The following LAMA1 variants were observed in gnomAD, a reference collection of about 807,000 sequenced individuals.
LAMA1 encodes the protein laminin subunit alpha 1, also known as laminin subunit alpha-1.
Under a neutral mutation model 348.7 loss-of-function variants are expected in LAMA1, and 219 were observed. The observed-to-expected ratio is 0.63, with a 90% CI of 0.56 to 0.70. The LOEUF (loss-of-function observed/expected upper bound fraction) is 0.70. Ranked by LOEUF, LAMA1 falls within the 30% of genes least tolerant of loss-of-function variation. The pLI, the probability that LAMA1 is intolerant of heterozygous loss-of-function variation, is 0.00. For synonymous variants in LAMA1, 1,487 were observed against 1,491.0 expected, an observed-to-expected ratio of 1.00 and a Z score of 0.06; for missense variants, 3,744 against 3,888.0, an observed-to-expected ratio of 0.96 and a Z score of 0.99.
chr18:7,100,610 G>A (rs531969335), intron 1 of LAMA1, among the ~76,000 whole-genome samples: 15 of 152,092 alleles, frequency 9.9e-5, no homozygotes, highest in South Asian at 2.1e-4. Flanking sequence ...AAAATGTGGT[G>A]TATCTACACA....
intron 28 of LAMA1, among the ~76,000 whole-genome samples, chr18:7,007,913 T>TTATTTA (rs59784736): frequency 0.017 from 2,305 of 136,818 alleles, 60 homozygotes; most frequent in African/African-American, 0.051. Context: ...ATTACTCCAC[T>TTATTTA]TTTATTTATT....
In LAMA1 at chr18:6,966,361, C is replaced by T. The variant is rs1327524548; in HGVS notation, c.6900-64G>A. ...GAGGGTAGAAAGAACCAAGAACACA[C>T]TTACTGAGTTCTCCTTCACAAAGAT... On this transcript the variant is annotated intron_variant, in intron 48 of 62. Coordinates refer to ENST00000389658, the MANE Select transcript of LAMA1 (RefSeq NM_005559.4). 4 of 1,387,550 alleles carry T rather than the reference C, an allele frequency of 2.9e-6. No individual in the cohort carries two copies. In the Admixed American group the frequency reaches 5.5e-5, roughly 19 times the overall value. 86.0% of individuals were successfully genotyped at this position (1,387,550 alleles called of 1,614,324 possible).
At chr18:7,070,917 A>AC in intron 3 of LAMA1, among the ~76,000 whole-genome samples, 1 of 152,086 alleles carries the variant, frequency 6.6e-6, no homozygotes, top group Non-Finnish European at 1.5e-5. Context: ...AAAAAAAAAA[A>AC]AAAACACGTT....
At chr18:7,001,798 G>A (rs2057808942) in intron 30 of LAMA1, among the ~76,000 whole-genome samples, 1 of 152,092 alleles carries the variant, frequency 6.6e-6, no homozygotes, top group Non-Finnish European at 1.5e-5. Context: ...AGCATCATAA[G>A]TACAAGGTAG....
intron 28 of LAMA1, 97 bp from the exon 29 acceptor site, chr18:7,007,373 A>C: frequency 6.5e-6 from 8 of 1,229,782 alleles, no homozygotes; most frequent in Non-Finnish European, 7.9e-6. Context: ...CAAATGGCCA[A>C]CAGGTATGTG....
At chr18:7,063,106 T>C (rs1012292534) in intron 3 of LAMA1, among the ~76,000 whole-genome samples, 3 of 152,262 alleles carry the variant, frequency 2.0e-5, no homozygotes, top group Non-Finnish European at 2.9e-5. Flanking sequence ...GAAACAATAA[T>C]TATGTGTTTT....
At chr18:6,979,927 G>C (rs2057703151) in intron 42 of LAMA1, among the ~76,000 whole-genome samples, 1 of 152,126 alleles carries the variant, frequency 6.6e-6, no homozygotes. Flanking sequence ...GCCGGGTTCA[G>C]GCTTCACCCA....
chr18:7,071,822 TCA>T (rs2054143043), intron 3 of LAMA1, among the ~76,000 whole-genome samples: 1 of 152,176 alleles, frequency 6.6e-6, no homozygotes, highest in African/African-American at 2.4e-5. Flanking sequence ...TCTCTAAGTC[TCA>T]GTTTCGTCAT....
intron 1 of LAMA1, among the ~76,000 whole-genome samples, chr18:7,109,703 T>A (rs1004307945): frequency 6.6e-6 from 1 of 152,070 alleles, no homozygotes; most frequent in South Asian, 2.1e-4. Context: ...AAGCTAATAG[T>A]TCAGCTACAG....
chr18:6,952,794 C>G, intron 57 of LAMA1, among the ~76,000 whole-genome samples: 1 of 150,328 alleles, frequency 6.7e-6, no homozygotes, highest in Non-Finnish European at 1.5e-5. Flanking sequence ...TGGATCCACA[C>G]CATGGGAGCC....
At position 6,965,451 on chromosome 18, in the gene LAMA1, A is replaced by G; in HGVS notation, c.7051-19T>C. On this transcript the variant is annotated intron_variant, in intron 49 of 62. Coordinates refer to ENST00000389658, the MANE Select transcript of LAMA1 (RefSeq NM_005559.4). ...AGTCTTTCTGTAAAAAAGAGAACAC[A>G]GTTCCCCAGGTTATAGCTTTATCCC... 1 of 1,614,018 alleles carries G rather than the reference A, an allele frequency of 6.2e-7. No individual in the cohort carries two copies. Among genetic ancestry groups the G allele is most frequent in the East Asian group, 2.2e-5 (1 of 44,876 alleles).
chr18:6,977,678 C>T (rs2057688535), intron 44 of LAMA1, 49 bp downstream of exon 44: 1 of 1,610,950 alleles, frequency 6.2e-7, no homozygotes, highest in South Asian at 1.1e-5. Flanking sequence ...CCCTGGGACC[C>T]CACATGACTG....
chr18:6,993,916 T>G (rs1031172250), intron 34 of LAMA1, among the ~76,000 whole-genome samples, 164 bp from the exon 35 acceptor site: 4 of 152,172 alleles, frequency 2.6e-5, no homozygotes, highest in Admixed American at 1.3e-4. Context: ...GAGCTTAATA[T>G]TTTGGGGTTA....
At position 6,947,147 on chromosome 18, in the gene LAMA1, G is replaced by C. The variant is rs770402999; in HGVS notation, c.8844+16C>G. 1.2e-6 allele frequency: 2 copies of C among 1,614,168 alleles called. No homozygotes were observed. Among genetic ancestry groups the C allele is most frequent in the Admixed American group, 1.7e-5 (1 of 60,028 alleles). ...CACTGGGGGGAGGAAGACCCTCATG[G>C]AGAGGAAGCACCCACCTTGCCGTCC... On this transcript the variant is annotated intron_variant, in intron 61 of 62. Coordinates refer to ENST00000389658, the MANE Select transcript of LAMA1 (RefSeq NM_005559.4).
At chr18:6,948,800 CA>C in intron 59 of LAMA1, among the ~76,000 whole-genome samples, 1 of 152,184 alleles carries the variant, frequency 6.6e-6, no homozygotes, top group Admixed American at 6.5e-5. Flanking sequence ...TTGTGGAAAT[CA>C]AAAAATGCTG....
In LAMA1 at chr18:6,972,180, C is replaced by T. The variant is rs967203972; in HGVS notation, c.6775-199G>A. On this transcript the variant is annotated intron_variant, in intron 47 of 62. Transcript: ENST00000389658. Reference sequence around the variant, plus strand: ...AGTGGAATCCTAGAATGAGTAACAACTGGGCAGGATCTTAAAGATCATCTC... The same window carrying T: ...AGTGGAATCCTAGAATGAGTAACAATTGGGCAGGATCTTAAAGATCATCTC... The T allele has an allele frequency of 1.2e-5, 7 of 573,824 alleles. No individual in the cohort carries two copies. In the Admixed American group the frequency reaches 1.9e-4, roughly 15 times the overall value. 35.5% of individuals were successfully genotyped at this position (573,824 alleles called of 1,614,324 possible). A position where few individuals can be genotyped will look rare whatever the true frequency, so the allele number is the denominator to read the frequency against.
At chr18:7,026,509 T>C (rs543966442) in intron 16 of LAMA1, among the ~76,000 whole-genome samples, 84 of 152,224 alleles carry the variant, frequency 5.5e-4, no homozygotes, top group Middle Eastern at 3.4e-3. Flanking sequence ...GAATCGTTCA[T>C]ATATAGTGGA....
In LAMA1 at chr18:6,999,523, C is replaced by T. The variant is rs146559010; in HGVS notation, c.4585G>A (p.Val1529Ile). 92 of 1,614,164 alleles carry T rather than the reference C, an allele frequency of 5.7e-5. No individual in the cohort carries two copies. The East Asian group carries it at 8.0e-4, about 14-fold the overall frequency. Residue 1529 changes from valine to isoleucine, a missense_variant, in exon 32 of 63, where the codon GTT (valine) becomes ATT (isoleucine). Val to Ile is a conservative substitution (Grantham distance 29). This residue lies in a region of LAMA1 where 1,983 missense variants were observed against 1,934.3 expected (regional missense o/e 1.03). Coordinates refer to ENST00000389658, the MANE Select transcript of LAMA1 (RefSeq NM_005559.4). ...AGCCCCGAGGCCCCCAGCCTGCAAA[C>T]GCACTGCCCAGATGTGCGGTCACAG... The part of the protein sequence containing the change: ...GDCDRTSGQC[V>I]CRLGASGLRC...
At chr18:7,002,748 A>C (rs1198170403) in intron 29 of LAMA1, among the ~76,000 whole-genome samples, 3 of 152,222 alleles carry the variant, frequency 2.0e-5, no homozygotes, top group African/African-American at 7.2e-5. Flanking sequence ...GTCAGGGTTC[A>C]ACAACCACAT....
Sources: allele counts gnomAD v4.1 joint callset (sites outside exome capture counted in the v4.1 genomes callset), GRCh38; gene constraint gnomAD v4.1.1; regional missense constraint gnomAD v4.1.1; transcripts MANE v1.5; gene names NCBI Gene and HGNC (gene_info 2026-07-23, HGNC 2026-07-21).